The following TRHDE variants were observed in gnomAD, a reference collection of about 807,000 sequenced individuals.
TRHDE encodes the protein thyrotropin releasing hormone degrading enzyme.
Under a neutral mutation model 125.7 loss-of-function variants are expected in TRHDE, and 72 were observed. That is an observed-to-expected ratio of 0.57 (90% confidence interval 0.47 to 0.70). TRHDE has a LOEUF of 0.70. TRHDE is among the 30% of genes least tolerant of loss of function. TRHDE has a pLI of 0.00. For missense variants in TRHDE, 1,110 were observed against 1,327.1 expected (o/e 0.84, Z 2.54); for synonymous variants, 509 against 509.1 (o/e 1.00, Z 0.00).
chr12:72,328,141 C>A (rs1047538652), intron 2 of TRHDE, among the ~76,000 whole-genome samples: 1 of 152,110 alleles, frequency 6.6e-6, no homozygotes, highest in African/African-American at 2.4e-5. Context: ...AAATCTGAGG[C>A]CTGAAAAGTC....
intron 2 of TRHDE, among the ~76,000 whole-genome samples, chr12:72,346,895 C>T (rs1417523295): frequency 1.3e-5 from 2 of 151,980 alleles, no homozygotes; most frequent in Non-Finnish European, 2.9e-5. Context: ...TAATGCATCT[C>T]CTGAAGACTC....
intron 6 of TRHDE, among the ~76,000 whole-genome samples, chr12:72,520,176 C>G (rs1256081707): frequency 1.3e-5 from 2 of 152,230 alleles, no homozygotes; most frequent in Non-Finnish European, 2.9e-5. Context: ...CACCCAGTTC[C>G]AGCTTCCCTG....
intron 1 of TRHDE, among the ~76,000 whole-genome samples, chr12:72,275,230 A>G (rs1407137766): frequency 6.6e-5 from 10 of 152,220 alleles, no homozygotes; most frequent in Admixed American, 6.5e-4. Context: ...TCTCAGAAGA[A>G]GTTATTGTGT....
chr12:72,238,275 AATATATATATATATAT>A lies in TRHDE; in HGVS notation n.279+132555_279+132570del, dbSNP rs71071820. 7.8e-4 allele frequency among the ~76,000 whole-genome samples: 30 copies of A among 38,230 alleles called. 2 individuals carry two copies. The highest frequency in any genetic ancestry group is 1.7e-3 in the East Asian group (2 of 1,162). The allele number at this position is 38,230 out of a possible 152,430, so 25.1% of individuals were successfully genotyped here. A position where few individuals can be genotyped will look rare whatever the true frequency, so the allele number is the denominator to read the frequency against. On this transcript the variant is annotated intron_variant and non_coding_transcript_variant, in intron 2 of 4. Transcript: ENST00000548156. ...AGTGGTCAGAAGTGGTCAGATCCTTAATATATATATATATATATATATATATATATATATATATATA... is the reference window on the plus strand; with the variant it reads ...AGTGGTCAGAAGTGGTCAGATCCTTAATATATATATATATATATATATATA...
At position 72,664,051 on chromosome 12, in the gene TRHDE, T is replaced by G. The variant is rs2136119319; in HGVS notation, c.*856T>G. Reference sequence around the variant, plus strand: ...CTATGTCCTAACTAAATTTCTCAACTGTTATGAATTTTTCATCTACTTCTT... The same window carrying G: ...CTATGTCCTAACTAAATTTCTCAACGGTTATGAATTTTTCATCTACTTCTT... On this transcript the variant is annotated 3_prime_UTR_variant, in exon 19 of 19. Transcript: ENST00000261180. 1 of 152,240 alleles carries G rather than the reference T, an allele frequency of 6.6e-6. No individual in the cohort carries two copies. Among genetic ancestry groups the G allele is most frequent in the Non-Finnish European group, 1.5e-5 (1 of 68,008 alleles). 9.4% of individuals were successfully genotyped at this position (152,240 alleles called of 1,614,324 possible).
intron 2 of TRHDE, among the ~76,000 whole-genome samples, chr12:72,320,449 G>A (rs1250984213): frequency 6.6e-6 from 1 of 151,936 alleles, no homozygotes; most frequent in African/African-American, 2.4e-5. Flanking sequence ...TACATGTTCA[G>A]TGCAGATGCA....
intron 6 of TRHDE, among the ~76,000 whole-genome samples, chr12:72,513,091 A>G (rs555316969): frequency 2.0e-5 from 3 of 152,266 alleles, no homozygotes; most frequent in African/African-American, 7.2e-5. Flanking sequence ...ACAGTTACCA[A>G]TGTTACACAT....
intron 6 of TRHDE, among the ~76,000 whole-genome samples, chr12:72,507,304 G>T (rs1243964595): frequency 6.6e-6 from 1 of 152,192 alleles, no homozygotes; most frequent in East Asian, 1.9e-4. Flanking sequence ...ATGGGCAGAG[G>T]TTGAAACAGT....
intron 3 of TRHDE, among the ~76,000 whole-genome samples, chr12:72,454,058 T>C (rs1875716314): frequency 6.6e-6 from 1 of 152,226 alleles, no homozygotes; most frequent in African/African-American, 2.4e-5. Context: ...TAGCTGAATT[T>C]ATCTACTTTT....
At chr12:72,602,799 A>G (rs1433797932) in intron 12 of TRHDE, among the ~76,000 whole-genome samples, 1 of 152,284 alleles carries the variant, frequency 6.6e-6, no homozygotes, top group East Asian at 1.9e-4. Context: ...GATTAGAACC[A>G]TGTCTGAAAT....
At chr12:72,647,776 A>G (rs993052890) in intron 15 of TRHDE, among the ~76,000 whole-genome samples, 5 of 152,144 alleles carry the variant, frequency 3.3e-5, no homozygotes, top group African/African-American at 1.2e-4. Flanking sequence ...TGAATTAGTA[A>G]TCAAAAACCT....
intron 1 of TRHDE, among the ~76,000 whole-genome samples, chr12:72,094,163 G>A (rs1390132895): frequency 3.9e-5 from 6 of 152,190 alleles, no homozygotes; most frequent in Non-Finnish European, 5.9e-5. Context: ...CTGCCTCTGG[G>A]GCCTTGGCCA....
chr12:72,093,994 G>A (rs1027249099), intron 1 of TRHDE, among the ~76,000 whole-genome samples: 2 of 152,178 alleles, frequency 1.3e-5, no homozygotes, highest in Non-Finnish European at 2.9e-5. Context: ...CTTCTGTCAG[G>A]TCCCTGGGAT....
At chr12:72,251,800 C>T (rs1015494155) in intron 2 of TRHDE, among the ~76,000 whole-genome samples, 8 of 152,002 alleles carry the variant, frequency 5.3e-5, no homozygotes, top group Admixed American at 2.6e-4. Context: ...ATGAGTGATT[C>T]GATTCCTTTA....
intron 3 of TRHDE, among the ~76,000 whole-genome samples, chr12:72,398,775 A>G (rs115045888): frequency 0.017 from 2,546 of 152,312 alleles, 73 homozygotes; most frequent in African/African-American, 0.058. Flanking sequence ...AATGGGAGTG[A>G]GGGATTGGTA....
chr12:72,237,095 T>A (rs1878350325), intron 2 of TRHDE, among the ~76,000 whole-genome samples: 1 of 152,180 alleles, frequency 6.6e-6, no homozygotes, highest in African/African-American at 2.4e-5. Flanking sequence ...TCCATATTTT[T>A]AAGCTGAAAT....
At chr12:72,228,076 C>G (rs1878170993) in intron 2 of TRHDE, among the ~76,000 whole-genome samples, 1 of 152,168 alleles carries the variant, frequency 6.6e-6, no homozygotes, top group Admixed American at 6.5e-5. Flanking sequence ...ATTCTGGTGT[C>G]TGCATGACAG....
At chr12:72,381,395 G>GTT (rs61184961) in intron 3 of TRHDE, among the ~76,000 whole-genome samples, 76 of 137,928 alleles carry the variant, frequency 5.5e-4, no homozygotes, top group Admixed American at 6.5e-4. Flanking sequence ...AGATACGAAA[G>GTT]TTTTTTTTTT....
intron 6 of TRHDE, 88 bp from the exon 7 acceptor site, chr12:72,542,182 TTTTTGAAAATAGAATAGCATG>T: frequency 3.0e-6 from 2 of 675,494 alleles, no homozygotes; most frequent in Non-Finnish European, 4.5e-6. Flanking sequence ...TTCTTAATTA[TTTTTGAAAATAGAATAGCATG>T]AATGAAGTAG....
Sources: allele counts gnomAD v4.1 joint callset (sites outside exome capture counted in the v4.1 genomes callset), GRCh38; gene constraint gnomAD v4.1.1; transcripts MANE v1.5; gene names NCBI Gene and HGNC (gene_info 2026-07-23, HGNC 2026-07-21).